Variants in ENO2 observed in about 807,000 individuals in gnomAD.
ENO2 encodes enolase 2.
In ENO2, 19 loss-of-function variants were observed where a neutral mutation model predicts 48.7. The ratio of observed to expected loss-of-function variants is 0.39; its 90% CI spans 0.27 to 0.57. ENO2 has a LOEUF of 0.57. ENO2 is among the 20% of genes least tolerant of loss of function. The probability of loss-of-function intolerance (pLI) is 0.58; values close to 1 mark genes in which losing one functional copy is unlikely to be tolerated. For missense variants in ENO2, 416 were observed against 555.0 expected (o/e 0.75, Z 2.52); for synonymous variants, 198 against 213.4 (o/e 0.93, Z 0.63).
intron 8 of ENO2, among the ~76,000 whole-genome samples, chr12:6,920,331 C>G (rs1945328493): frequency 8.1e-6 from 1 of 124,022 alleles, no homozygotes; most frequent in Admixed American, 1.1e-4. Flanking sequence ...CAGGAAAATG[C>G]AAAGCTAGGT....
At chr12:6,920,359 G>A (rs1945328637) in intron 8 of ENO2, among the ~76,000 whole-genome samples, 1 of 115,738 alleles carries the variant, frequency 8.6e-6, no homozygotes, top group East Asian at 2.8e-4. Flanking sequence ...CCTTGTTACT[G>A]GAAGATTTTT....
rs1061223 is a variant in ENO2 at position 6,923,090 on chromosome 12, C to T, written c.*290C>T. 55,966 of 380,402 alleles carry T rather than the reference C, an allele frequency of 0.15. 5,367 individuals carry two copies. The highest frequency in any genetic ancestry group is 0.2 in the Non-Finnish European group (39,538 of 199,516). The allele number at this position is 380,402 out of a possible 1,614,324, so 23.6% of individuals were successfully genotyped here. A position where few individuals can be genotyped will look rare whatever the true frequency, so the allele number is the denominator to read the frequency against. On this transcript the variant is annotated 3_prime_UTR_variant, in exon 12 of 12. Transcript: ENST00000229277. ...ATGAGGATTATTATAAAAGGGGGTC[C>T]GTGGAAGAATGATCAGCATCTGTGA...
chr12:6,917,566 T>G lies in ENO2; in HGVS notation c.311-15T>G, dbSNP rs1555141725. On this transcript the variant is annotated splice_polypyrimidine_tract_variant and intron_variant, in intron 5 of 11. Coordinates refer to ENST00000229277, the MANE Select transcript of ENO2 (RefSeq NM_001975.3). ...GGGGACATTGTGCTCAGCACCTTCC[T>G]CTATAATCTCCTAGCCAAGTTTGGG... 1 of 1,609,164 alleles carries G rather than the reference T, an allele frequency of 6.2e-7. No individual in the cohort carries two copies. The highest frequency in any genetic ancestry group is 8.5e-7 in the Non-Finnish European group (1 of 1,177,484).
chr12:6,922,625 CAA>C lies in ENO2; in HGVS notation c.1236-103_1236-102del. On this transcript the variant is annotated intron_variant, in intron 11 of 11. Coordinates refer to ENST00000229277, the MANE Select transcript of ENO2 (RefSeq NM_001975.3). This position sits in a 1 kb window ranked among gnomAD's most constrained non-coding sequence, Gnocchi z 5.3. ...GAATGCTAAGCCTTGGGGCAGGACA[CAA>C]AAGCAGGTGGTGTGGGGGTGGTTGG... is the stretch of plus-strand genomic sequence containing the variant. 1 of 1,413,188 alleles carries C rather than the reference CAA, an allele frequency of 7.1e-7. No individual in the cohort carries two copies. The highest frequency in any genetic ancestry group is 1.0e-6 in the Non-Finnish European group (1 of 1,003,590). The allele number at this position is 1,413,188 out of a possible 1,614,324, so 87.5% of individuals were successfully genotyped here.
chr12:6,921,555 C>A lies in ENO2; in HGVS notation c.866-26C>A, dbSNP rs185811585. 42 of 1,611,592 alleles carry A rather than the reference C, an allele frequency of 2.6e-5. 1 individual carries two copies. In the Admixed American group the frequency reaches 6.5e-4, roughly 25 times the overall value. ...GACCCAGGGAAGATGAACACCTCCC[C>A]CCTCCCCACCATGCTCTCTCTGCAG... On this transcript the variant is annotated intron_variant, in intron 8 of 11. Transcript: ENST00000229277.
chr12:6,917,232 A>C, intron 5 of ENO2, 125 bp downstream of exon 5: 3 of 1,223,016 alleles, frequency 2.5e-6, no homozygotes, highest in Non-Finnish European at 3.4e-6. Context: ...TTCTCCTCTC[A>C]AAGCCAGAGC....
rs1163071883 is a variant in ENO2 at position 6,923,122 on chromosome 12, C to T, written c.*322C>T. The T allele has an allele frequency of 1.2e-5, 4 of 334,940 alleles. No individual in the cohort carries two copies. The highest frequency in any genetic ancestry group is 1.0e-3 in the Middle Eastern group (1 of 966). The allele number at this position is 334,940 out of a possible 1,614,324, so 20.7% of individuals were successfully genotyped here. On this transcript the variant is annotated 3_prime_UTR_variant, in exon 12 of 12. Coordinates refer to ENST00000229277, the MANE Select transcript of ENO2 (RefSeq NM_001975.3). ...GAATGATCAGCATCTGTGATGGGAG[C>T]GTCAGGGTTGGTGTGCTGAGGTGTT... is the stretch of plus-strand genomic sequence containing the variant.
Position 6,916,066 on chromosome 12 carries a change from C to T in ENO2, c.85+149C>T, listed in dbSNP as rs1945288513. On this transcript the variant is annotated intron_variant, in intron 2 of 11. Coordinates refer to ENST00000229277, the MANE Select transcript of ENO2 (RefSeq NM_001975.3). The surrounding 1 kb of genome is among the most constrained non-coding windows in gnomAD (Gnocchi z 4.5). ...GCCTGGGTTGTGGCGGTTGGATCCT[C>T]CTTGTCCGGGGAGCCAGGGTAGGTG... 1 of 801,192 alleles carries T rather than the reference C, an allele frequency of 1.2e-6. No individual in the cohort carries two copies. Among genetic ancestry groups the T allele is most frequent in the Admixed American group, 2.5e-5 (1 of 40,198 alleles). 49.6% of individuals were successfully genotyped at this position (801,192 alleles called of 1,614,324 possible). A position where few individuals can be genotyped will look rare whatever the true frequency, so the allele number is the denominator to read the frequency against.
rs1234205558 is a variant in ENO2 at position 6,916,965 on chromosome 12, G to A, written c.241-73G>A. On this transcript the variant is annotated intron_variant, in intron 4 of 11. Coordinates refer to ENST00000229277, the MANE Select transcript of ENO2 (RefSeq NM_001975.3). The surrounding 1 kb of genome is among the most constrained non-coding windows in gnomAD (Gnocchi z 4.5). ...ACCCTGGCCAAATGTGAGCTTGGGT[G>A]TGAATGAGGGGACCCTCTGCCTTAG... 2 of 1,596,806 alleles carry A rather than the reference G, an allele frequency of 1.3e-6. No homozygotes were observed. Among genetic ancestry groups the A allele is most frequent in the Non-Finnish European group, 1.7e-6 (2 of 1,166,798 alleles).
rs112449991 is a variant in ENO2, at chr12:6,916,005, T to C, written c.85+88T>C. The C allele has an allele frequency of 4.7e-4, 632 of 1,352,088 alleles. 2 individuals are homozygous for C. In the African/African-American group the frequency reaches 5.7e-3, roughly 12 times the overall value. 83.8% of individuals were successfully genotyped at this position (1,352,088 alleles called of 1,614,324 possible). ...CCAGGGGTTCGGAGGCCTTTTTTGA[T>C]ACCCAGGGGTATGGGGTGCTGGGCC... is the stretch of plus-strand genomic sequence containing the variant. On this transcript the variant is annotated intron_variant, in intron 2 of 11. Transcript: ENST00000229277. The surrounding 1 kb of genome is among the most constrained non-coding windows in gnomAD (Gnocchi z 4.5).
Position 6,916,042 on chromosome 12 carries a change from C to T in ENO2, c.85+125C>T, listed in dbSNP as rs1192541334. On this transcript the variant is annotated intron_variant, in intron 2 of 11. Coordinates refer to ENST00000229277, the MANE Select transcript of ENO2 (RefSeq NM_001975.3). This position sits in a 1 kb window ranked among gnomAD's most constrained non-coding sequence, Gnocchi z 4.5. ...TGGGGTGCTGGGCCAGGCTCACAAG[C>T]CTGGGTTGTGGCGGTTGGATCCTCC... 1.0e-6 allele frequency: 1 copy of T among 999,090 alleles called. No homozygotes were observed. The highest frequency in any genetic ancestry group is 1.5e-6 in the Non-Finnish European group (1 of 659,282). 61.9% of individuals were successfully genotyped at this position (999,090 alleles called of 1,614,324 possible).
Position 6,919,728 on chromosome 12 carries a change from G to C in ENO2, c.830G>C (p.Gly277Ala). ...CGATACATCACTGGGGACCAGCTGGGGGCACTCTACCAGGACTTTGTCAGG... is the reference window on the plus strand; with the variant it reads ...CGATACATCACTGGGGACCAGCTGGCGGCACTCTACCAGGACTTTGTCAGG... ...PSRYITGDQLGALYQDFVRDY... is the reference protein window; with the variant it reads ...PSRYITGDQLAALYQDFVRDY... The change falls in exon 8 of 12, where the codon GGG becomes GCG. Residue 277 changes from glycine (G) to alanine (A), a missense_variant. Transcript: ENST00000229277. The C allele has an allele frequency of 1.2e-6, 2 of 1,613,982 alleles. No homozygotes were observed. The highest frequency in any genetic ancestry group is 1.7e-6 in the Non-Finnish European group (2 of 1,180,018).
Position 6,916,877 on chromosome 12 carries a change from C to A in ENO2, c.240+148C>A. 1 of 1,386,464 alleles carries A rather than the reference C, an allele frequency of 7.2e-7. No homozygotes were observed. Among genetic ancestry groups the A allele is most frequent in the South Asian group, 1.3e-5 (1 of 79,802 alleles). 85.9% of individuals were successfully genotyped at this position (1,386,464 alleles called of 1,614,324 possible). A position where few individuals can be genotyped will look rare whatever the true frequency, so the allele number is the denominator to read the frequency against. Reference sequence around the variant, plus strand: ...TGGGGAACAGCTTCCTTAATGCACCCTGCTCCCATGGGAGTTCAGGTCCCC... The same window carrying A: ...TGGGGAACAGCTTCCTTAATGCACCATGCTCCCATGGGAGTTCAGGTCCCC... On this transcript the variant is annotated intron_variant, in intron 4 of 11. Transcript: ENST00000229277. The surrounding 1 kb of genome is among the most constrained non-coding windows in gnomAD (Gnocchi z 4.5).
In ENO2 at chr12:6,915,828, CCAT is replaced by C; in HGVS notation, c.-1_2del. The C allele has an allele frequency of 6.2e-7, 1 of 1,613,730 alleles. No homozygotes were observed. The highest frequency in any genetic ancestry group is 2.2e-5 in the East Asian group (1 of 44,848). The stretch of plus-strand genomic sequence containing the variant: ...TCCCTTCCACCCGAGGAGATCCCAG[CCAT>C]CATGTCCATAGAGAAGATCTGGGCC... On this transcript the variant is annotated 5_prime_UTR_variant, in exon 2 of 12. Transcript: ENST00000229277.
At chr12:6,918,405 C>T (rs112155546) in intron 7 of ENO2, among the ~76,000 whole-genome samples, 2,283 of 150,808 alleles carry the variant, frequency 0.015, 26 homozygotes, top group Middle Eastern at 0.028. Context: ...GGCTGGAGTG[C>T]AGTGGCTCGA....
intron 1 of ENO2, chr12:6,915,358 A>C (rs1591650523): frequency 5.4e-6 from 1 of 184,188 alleles, no homozygotes; most frequent in African/African-American, 2.3e-5. Flanking sequence ...GTGTTCAGGC[A>C]GCTGGGGTGT....
chr12:6,921,864 AG>A, intron 9 of ENO2, 82 bp downstream of exon 9: 1 of 1,567,886 alleles, frequency 6.4e-7, no homozygotes, highest in Non-Finnish European at 8.7e-7. Flanking sequence ...AATTCTACCC[AG>A]GGGTGCCAAA....
At position 6,917,992 on chromosome 12, in the gene ENO2, A is replaced by T; in HGVS notation, c.497A>T (p.Gln166Leu). Reference protein sequence around the residue: ...GSHAGNKLAMQEFMILPVGAE... With the variant: ...GSHAGNKLAMLEFMILPVGAE... ...CATGCTGGCAACAAGCTGGCCATGC[A>T]GGAGTTCATGATCCTCCCAGTGGGA... Residue 166 changes from glutamine to leucine, a missense_variant, in exon 7 of 12, where the codon CAG becomes CTG. Transcript: ENST00000229277. The T allele has an allele frequency of 2.5e-6, 4 of 1,614,164 alleles. No homozygotes were observed. Among genetic ancestry groups the T allele is most frequent in the Non-Finnish European group, 3.4e-6 (4 of 1,180,026 alleles).
rs781868369 is a variant in ENO2, at chr12:6,919,553, A to G, written c.668-13A>G. 1 of 1,613,700 alleles carries G rather than the reference A, an allele frequency of 6.2e-7. No individual in the cohort carries two copies. The highest frequency in any genetic ancestry group is 8.5e-7 in the Non-Finnish European group (1 of 1,179,958). Reference sequence around the variant, plus strand: ...CCTGCTTGTACTATAATCTCACTGTATTCTGTCCCCAGCCTTGGAGCTGGT... The same window carrying G: ...CCTGCTTGTACTATAATCTCACTGTGTTCTGTCCCCAGCCTTGGAGCTGGT... On this transcript the variant is annotated splice_polypyrimidine_tract_variant and intron_variant, in intron 7 of 11. Transcript: ENST00000229277.
Sources: gnomAD v4.1 joint callset for allele counts (sites outside exome capture counted in the v4.1 genomes callset) on GRCh38, gnomAD v4.1.1 for gene constraint, Gnocchi (gnomAD v3.1) non-coding constraint, MANE v1.5 for transcripts, NCBI Gene and HGNC (gene_info 2026-07-23, HGNC 2026-07-21) for gene names.